Variants in AGBL4 observed in about 807,000 individuals in gnomAD.
The protein encoded by AGBL4 is AGBL carboxypeptidase 4.
Under a neutral mutation model 66.4 loss-of-function variants are expected in AGBL4, and 58 were observed. The observed-to-expected ratio is 0.87, with a 90% CI of 0.71 to 1.09. The LOEUF is 1.09. Among genes scored for constraint, AGBL4 ranks in the 50% least tolerant of loss-of-function variants. AGBL4 has a pLI of 0.00. For synonymous variants in AGBL4, 234 were observed against 222.9 expected, an observed-to-expected ratio of 1.05 and a Z score of -0.44; for missense variants, 579 against 631.0, an observed-to-expected ratio of 0.92 and a Z score of 0.88.
intron 4 of AGBL4, among the ~76,000 whole-genome samples, chr1:49,200,976 T>A (rs949737470): frequency 5.9e-5 from 9 of 152,184 alleles, no homozygotes; most frequent in African/African-American, 1.9e-4. Flanking sequence ...ACCTAGGTGC[T>A]GTCAGCCACC....
intron 5 of AGBL4, among the ~76,000 whole-genome samples, chr1:48,867,549 A>AG (rs1231364192): frequency 6.6e-6 from 1 of 152,114 alleles, no homozygotes; most frequent in African/African-American, 2.4e-5. Context: ...GTCCCTTTCC[A>AG]GTTTCCCAGT....
At chr1:48,745,883 A>G (rs1380804534) in intron 6 of AGBL4, among the ~76,000 whole-genome samples, 1 of 151,988 alleles carries the variant, frequency 6.6e-6, no homozygotes, top group African/African-American at 2.4e-5. Context: ...CTACCATAAT[A>G]ATCAGATGTA....
At chr1:49,780,304 A>C (rs1454856263) in intron 2 of AGBL4, among the ~76,000 whole-genome samples, 1 of 152,184 alleles carries the variant, frequency 6.6e-6, no homozygotes, top group Non-Finnish European at 1.5e-5. Flanking sequence ...CTTATAATAC[A>C]TACAAAGGTA....
At chr1:49,224,058 C>T (rs1410441114) in intron 4 of AGBL4, among the ~76,000 whole-genome samples, 3 of 152,126 alleles carry the variant, frequency 2.0e-5, no homozygotes, top group Non-Finnish European at 2.9e-5. Context: ...TGCCATACTA[C>T]TAAAGGACAG....
chr1:49,797,424 G>T (rs997835161), intron 2 of AGBL4, among the ~76,000 whole-genome samples: 2 of 152,096 alleles, frequency 1.3e-5, no homozygotes, highest in Admixed American at 6.6e-5. Context: ...AGGTAAAATG[G>T]TAAGTCTATA....
chr1:49,925,843 C>T (rs1049996686), intron 1 of AGBL4, among the ~76,000 whole-genome samples: 1 of 152,146 alleles, frequency 6.6e-6, no homozygotes, highest in Non-Finnish European at 1.5e-5. Context: ...GTCTTGGATG[C>T]CAGCTCAGCC....
chr1:49,507,693 TC>T (rs1648824109), intron 3 of AGBL4, among the ~76,000 whole-genome samples: 1 of 151,924 alleles, frequency 6.6e-6, no homozygotes, highest in South Asian at 2.1e-4. Flanking sequence ...ATATTTTATT[TC>T]TTAAAAGGAG....
At chr1:48,674,276 A>G (rs1486191671) in intron 6 of AGBL4, among the ~76,000 whole-genome samples, 1 of 152,206 alleles carries the variant, frequency 6.6e-6, no homozygotes, top group Non-Finnish European at 1.5e-5. Context: ...TACCATGTCA[A>G]TAAAATACAG....
At chr1:49,606,473 C>A (rs900794042) in intron 3 of AGBL4, among the ~76,000 whole-genome samples, 2 of 152,040 alleles carry the variant, frequency 1.3e-5, no homozygotes, top group African/African-American at 4.8e-5. Context: ...TTTACAGGAT[C>A]CTATTTACGT....
chr1:49,273,872 C>T (rs113327409), intron 3 of AGBL4, among the ~76,000 whole-genome samples: 4,179 of 151,934 alleles, frequency 0.028, 165 homozygotes, highest in African/African-American at 0.095. Context: ...TTAGTAGAGA[C>T]GGGGTTTCAC....
intron 3 of AGBL4, among the ~76,000 whole-genome samples, chr1:49,293,263 A>G (rs996595104): frequency 1.3e-5 from 2 of 152,114 alleles, no homozygotes; most frequent in African/African-American, 2.4e-5. Flanking sequence ...TCACTCACTC[A>G]CACACTCCTT....
At chr1:49,140,457 AAACAACCC>A (rs1433746758) in intron 4 of AGBL4, among the ~76,000 whole-genome samples, 8 of 152,216 alleles carry the variant, frequency 5.3e-5, no homozygotes, top group African/African-American at 1.9e-4. Context: ...TGCCCCAGGA[AAACAACCC>A]AATCTTTTTA....
At chr1:49,160,905 C>T (rs181134642) in intron 4 of AGBL4, among the ~76,000 whole-genome samples, 10 of 152,256 alleles carry the variant, frequency 6.6e-5, no homozygotes, top group Admixed American at 6.5e-4. Context: ...CTCCCCCCAC[C>T]AAACTTGAGC....
At chr1:49,850,033 G>A (rs181830458) in intron 2 of AGBL4, among the ~76,000 whole-genome samples, 220 of 152,194 alleles carry the variant, frequency 1.4e-3, no homozygotes, top group Admixed American at 5.4e-3. Flanking sequence ...TTAATTATGC[G>A]GACAGTATTC....
chr1:49,687,467 C>T (rs1044540996), intron 3 of AGBL4, among the ~76,000 whole-genome samples: 5 of 151,976 alleles, frequency 3.3e-5, no homozygotes, highest in South Asian at 2.1e-4. Flanking sequence ...CAATAGAAGC[C>T]GACTTGAAAG....
intron 3 of AGBL4, among the ~76,000 whole-genome samples, chr1:49,283,075 GACAA>G (rs1174039332): frequency 1.3e-5 from 2 of 152,228 alleles, no homozygotes. Context: ...GCAGGGCACA[GACAA>G]ACAAAAAGAC....
intron 11 of AGBL4, among the ~76,000 whole-genome samples, chr1:48,544,315 T>A (rs1644124653): frequency 6.6e-6 from 1 of 152,194 alleles, no homozygotes; most frequent in Non-Finnish European, 1.5e-5. Flanking sequence ...GCGCCAGCAG[T>A]AAGAGCTACA....
At chr1:49,891,525 T>G (rs527863907) in intron 1 of AGBL4, among the ~76,000 whole-genome samples, 1 of 152,194 alleles carries the variant, frequency 6.6e-6, no homozygotes, top group African/African-American at 2.4e-5. Context: ...AACAAAGAAT[T>G]ATCTGGCTCA....
At chr1:49,727,280 G>T (rs1649102382) in intron 2 of AGBL4, among the ~76,000 whole-genome samples, 1 of 152,052 alleles carries the variant, frequency 6.6e-6, no homozygotes, top group African/African-American at 2.4e-5. Context: ...TTCAAGCCAT[G>T]AATTATTCAA....
Sources: allele counts gnomAD v4.1 joint callset (sites outside exome capture counted in the v4.1 genomes callset), GRCh38; gene constraint gnomAD v4.1.1; transcripts MANE v1.5; gene names NCBI Gene and HGNC (gene_info 2026-07-23, HGNC 2026-07-21).